CWF19L2: variants seen among roughly 807,000 people sequenced by gnomAD.
CWF19L2 encodes the protein CWF19-like protein 2.
In CWF19L2, 98 loss-of-function variants were observed where a neutral mutation model predicts 111.7. The observed-to-expected ratio is 0.88, with a 90% CI of 0.75 to 1.04. The LOEUF (loss-of-function observed/expected upper bound fraction) is 1.04, where lower values mean the gene tolerates loss of function less well. CWF19L2 is among the 50% of genes least tolerant of loss of function. The probability of loss-of-function intolerance (pLI) is 0.00; values close to 1 mark genes in which losing one functional copy is unlikely to be tolerated. For missense variants in CWF19L2, 1,101 were observed against 1,051.4 expected (o/e 1.05, Z -0.65); for synonymous variants, 351 against 342.9 (o/e 1.02, Z -0.26).
intron 1 of CWF19L2, among the ~76,000 whole-genome samples, chr11:107,456,263 A>G (rs766101364): frequency 1.3e-5 from 2 of 152,224 alleles, no homozygotes; most frequent in African/African-American, 2.4e-5. Flanking sequence ...CCATTCTTCA[A>G]TGATAGTCAA....
At chr11:107,386,147 G>A (rs995708537) in intron 12 of CWF19L2, among the ~76,000 whole-genome samples, 1 of 152,086 alleles carries the variant, frequency 6.6e-6, no homozygotes, top group Non-Finnish European at 1.5e-5. Flanking sequence ...CTGCATAGCT[G>A]AAACTACAGA....
At chr11:107,360,580 G>T (rs755188925) in intron 12 of CWF19L2, among the ~76,000 whole-genome samples, 2 of 152,074 alleles carry the variant, frequency 1.3e-5, no homozygotes, top group Non-Finnish European at 2.9e-5. Context: ...CATAGAGGCC[G>T]TACCAATTTA....
intron 10 of CWF19L2, among the ~76,000 whole-genome samples, chr11:107,406,956 C>A (rs1044301094): frequency 1.3e-5 from 2 of 151,816 alleles, no homozygotes; most frequent in Non-Finnish European, 2.9e-5. Flanking sequence ...AAGAATGACA[C>A]ACAGATTATT....
rs370930551 is a variant in CWF19L2 at position 107,441,513 on chromosome 11, G to A, written c.560C>T (p.Ala187Val). 17 of 1,533,608 alleles carry A rather than the reference G, an allele frequency of 1.1e-5. No homozygotes were observed. The highest frequency in any genetic ancestry group is 7.4e-5 in the East Asian group (3 of 40,762). ...CAAATATTCTCTTACCTGTTCAAGC[G>A]CTTGGTTTTTCTCTTGCTCTATTTT... ...MRKIEQEKNQ[A>V]LEQSKLMERE... The change falls in exon 5 of 18, where the codon GCG (alanine) becomes GTG (valine). Residue 187 changes from alanine to valine, a missense_variant. Ala to Val is a moderately conservative substitution (Grantham distance 64, BLOSUM62 0). Coordinates refer to ENST00000282251, the MANE Select transcript of CWF19L2 (RefSeq NM_152434.3).
At chr11:107,419,408 C>T (rs927934792) in intron 8 of CWF19L2, among the ~76,000 whole-genome samples, 1 of 152,116 alleles carries the variant, frequency 6.6e-6, no homozygotes, top group Non-Finnish European at 1.5e-5. Context: ...TAGCACTCAA[C>T]AAGGTAGTCT....
At chr11:107,402,933 T>C (rs1386177137) in intron 10 of CWF19L2, among the ~76,000 whole-genome samples, 2 of 137,850 alleles carry the variant, frequency 1.5e-5, no homozygotes, top group Non-Finnish European at 3.1e-5. Context: ...TAAAAAGGAA[T>C]GAATTTATAG....
In CWF19L2 at chr11:107,373,502, GA is replaced by G. The variant is rs1369301846; in HGVS notation, c.1872+16571del. ...AGCCTAACTGGGAGGCACCCCCCAG[GA>G]GGGGCAGACTGACACCTCACATGGC... is the stretch of plus-strand genomic sequence containing the variant. On this transcript the variant is annotated intron_variant, in intron 12 of 17. Transcript: ENST00000282251. Among the ~76,000 whole-genome samples, 10 of 131,626 alleles carry G rather than the reference GA, an allele frequency of 7.6e-5. 1 individual carries two copies. The highest frequency in any genetic ancestry group is 1.6e-4 in the Non-Finnish European group (10 of 61,454). The allele number at this position is 131,626 out of a possible 152,430, so 86.4% of individuals were successfully genotyped here. A position where few individuals can be genotyped will look rare whatever the true frequency, so the allele number is the denominator to read the frequency against.
chr11:107,441,471 A>G (rs923680626), intron 5 of CWF19L2, 32 bp downstream of exon 5: 18 of 1,472,470 alleles, frequency 1.2e-5, no homozygotes, highest in Non-Finnish European at 1.4e-5. Flanking sequence ...AAGGTAAATT[A>G]GAAAGTTAAA....
chr11:107,390,225 A>T lies in CWF19L2; in HGVS notation c.1735-14T>A, dbSNP rs1259807625. The T allele has an allele frequency of 6.4e-7, 1 of 1,572,252 alleles. No homozygotes were observed. The highest frequency in any genetic ancestry group is 8.6e-7 in the Non-Finnish European group (1 of 1,159,252). ...ATGGGTTGAAACCTATGACAAAATG[A>T]ACATTATTAATTTAATGAAAACATG... On this transcript the variant is annotated splice_polypyrimidine_tract_variant and intron_variant, in intron 11 of 17. Transcript: ENST00000282251.
chr11:107,369,234 C>T (rs1860475468), intron 12 of CWF19L2, among the ~76,000 whole-genome samples: 1 of 137,702 alleles, frequency 7.3e-6, no homozygotes, highest in Admixed American at 7.1e-5. Flanking sequence ...GCCATAAGCT[C>T]CTTGTGGTAG....
chr11:107,355,393 C>T (rs545989128), intron 12 of CWF19L2, among the ~76,000 whole-genome samples: 69 of 145,552 alleles, frequency 4.7e-4, no homozygotes, highest in African/African-American at 9.7e-4. Flanking sequence ...CTAGACTGGG[C>T]GACAAGAGCG....
chr11:107,442,704 AAG>A (rs371970003), intron 4 of CWF19L2, among the ~76,000 whole-genome samples: 17 of 126,536 alleles, frequency 1.3e-4, no homozygotes, highest in African/African-American at 1.4e-4. Context: ...GAAAGAGAGA[AAG>A]AGAGAGAGAG....
At chr11:107,345,043 G>T (rs997103076) in intron 14 of CWF19L2, among the ~76,000 whole-genome samples, 1 of 151,952 alleles carries the variant, frequency 6.6e-6, no homozygotes, top group South Asian at 2.1e-4. Flanking sequence ...GGCATGGCTC[G>T]TGCCTCCTCC....
rs564025483 is a variant in CWF19L2 at position 107,351,448 on chromosome 11, T to C, written c.2085+2076A>G. Among the ~76,000 whole-genome samples, 169 of 152,296 alleles carry C rather than the reference T, an allele frequency of 1.1e-3. 5 individuals are homozygous for C. The highest frequency in any genetic ancestry group is 9.8e-3 in the Admixed American group (150 of 15,294). ...CTTCACCTAAGTTTCAGATGTTTAC[T>C]AGATATCCAAGTGGAAAAGTAGGTT... On this transcript the variant is annotated intron_variant, in intron 13 of 17. Coordinates refer to ENST00000282251, the MANE Select transcript of CWF19L2 (RefSeq NM_152434.3).
intron 12 of CWF19L2, among the ~76,000 whole-genome samples, chr11:107,371,823 T>C (rs1183954699): frequency 2.2e-5 from 3 of 135,990 alleles, no homozygotes; most frequent in Non-Finnish European, 4.7e-5. Context: ...AAGTGATCTC[T>C]ACCAAAAAAA....
rs1420002027 is a variant in CWF19L2 at position 107,373,348 on chromosome 11, C to A, written c.1872+16726G>T. On this transcript the variant is annotated intron_variant, in intron 12 of 17. Coordinates refer to ENST00000282251, the MANE Select transcript of CWF19L2 (RefSeq NM_152434.3). Reference sequence around the variant, plus strand: ...CAGACAAACAAAAAGACAGCAGTAACCTTCGCAGACTTAAATGCCCCTGTC... The same window carrying A: ...CAGACAAACAAAAAGACAGCAGTAAACTTCGCAGACTTAAATGCCCCTGTC... Among the ~76,000 whole-genome samples, 2 of 131,196 alleles carry A rather than the reference C, an allele frequency of 1.5e-5. 1 individual carries two copies. Among genetic ancestry groups the A allele is most frequent in the Non-Finnish European group, 3.2e-5 (2 of 62,580 alleles). 86.1% of individuals were successfully genotyped at this position (131,196 alleles called of 152,430 possible).
At chr11:107,334,808 A>G in intron 16 of CWF19L2, 73 bp downstream of exon 16, 9 of 959,692 alleles carry the variant, frequency 9.4e-6, no homozygotes, top group Admixed American at 2.0e-5. Flanking sequence ...TCCCTTTGTC[A>G]ACTAAGACAT....
intron 10 of CWF19L2, among the ~76,000 whole-genome samples, chr11:107,393,705 A>T (rs996168645): frequency 2.6e-5 from 4 of 152,322 alleles, no homozygotes; most frequent in African/African-American, 9.6e-5. Context: ...CTACACAATC[A>T]CACAAAAAAC....
At chr11:107,354,581 T>C (rs1005685946) in intron 12 of CWF19L2, among the ~76,000 whole-genome samples, 2 of 152,190 alleles carry the variant, frequency 1.3e-5, no homozygotes, top group Admixed American at 1.3e-4. Context: ...AAGTCTAAAA[T>C]GAAGTTCATT....
Sources: allele counts gnomAD v4.1 joint callset (sites outside exome capture counted in the v4.1 genomes callset), GRCh38; gene constraint gnomAD v4.1.1; transcripts MANE v1.5; gene names NCBI Gene and HGNC (gene_info 2026-07-23, HGNC 2026-07-21).